The following SPAG16 variants were observed in gnomAD, a reference collection of about 807,000 sequenced individuals.
SPAG16 encodes sperm associated antigen 16.
SPAG16 carries 86 observed loss-of-function variants against 80.4 expected under a neutral mutation model. The ratio of observed to expected loss-of-function variants is 1.07; its 90% CI spans 0.90 to 1.28. SPAG16 has a LOEUF of 1.28. Ranked by LOEUF, SPAG16 falls within the 50% of genes most tolerant of loss-of-function variation. The probability of loss-of-function intolerance (pLI) is 0.00; values close to 1 mark genes in which losing one functional copy is unlikely to be tolerated. For missense variants in SPAG16, 870 were observed against 765.3 expected (o/e 1.14, Z -1.61); for synonymous variants, 294 against 265.9 (o/e 1.11, Z -1.03).
At chr2:214,121,715 G>T (rs527756918) in intron 14 of SPAG16, among the ~76,000 whole-genome samples, 15 of 151,870 alleles carry the variant, frequency 9.9e-5, no homozygotes, top group African/African-American at 3.4e-4. Flanking sequence ...ACATGACACC[G>T]TAAGGTGAAA....
chr2:213,766,316 T>G (rs1165843423), intron 10 of SPAG16, among the ~76,000 whole-genome samples: 2 of 152,200 alleles, frequency 1.3e-5, no homozygotes, highest in African/African-American at 4.8e-5. Flanking sequence ...AGTTAGATAG[T>G]GGTCATGGTT....
At chr2:213,638,295 G>A (rs112301824) in intron 10 of SPAG16, among the ~76,000 whole-genome samples, 3,106 of 152,020 alleles carry the variant, frequency 0.02, 44 homozygotes, top group Middle Eastern at 0.044. Flanking sequence ...TTTGGGTTTG[G>A]TTTGTTCTTG....
intron 10 of SPAG16, among the ~76,000 whole-genome samples, chr2:213,615,631 C>A (rs2061569007): frequency 6.6e-6 from 1 of 151,968 alleles, no homozygotes; most frequent in South Asian, 2.1e-4. Context: ...ACCCAAAAAA[C>A]TTTATTTTGC....
At chr2:213,589,344 C>G (rs1015711699) in intron 10 of SPAG16, among the ~76,000 whole-genome samples, 1 of 152,178 alleles carries the variant, frequency 6.6e-6, no homozygotes, top group African/African-American at 2.4e-5. Context: ...TAACAATTAA[C>G]TTTGCTAAAT....
intron 12 of SPAG16, among the ~76,000 whole-genome samples, chr2:213,942,285 TCA>T (rs2079235747): frequency 6.6e-6 from 1 of 152,172 alleles, no homozygotes; most frequent in Non-Finnish European, 1.5e-5. Context: ...TAACCTCAAC[TCA>T]CAAGTTGAAT....
intron 10 of SPAG16, among the ~76,000 whole-genome samples, chr2:213,658,093 TGAG>T (rs1346064006): frequency 1.3e-5 from 2 of 151,680 alleles, no homozygotes; most frequent in Non-Finnish European, 2.9e-5. Context: ...AATTCTGCTA[TGAG>T]GAGGTGTTTC....
intron 15 of SPAG16, among the ~76,000 whole-genome samples, chr2:214,318,059 G>C (rs1256796077): frequency 2.0e-5 from 3 of 152,158 alleles, no homozygotes; most frequent in African/African-American, 7.2e-5. Flanking sequence ...CAGGCATATG[G>C]TTCTTTTTAA....
At chr2:213,865,417 A>G (rs2075645119) in intron 11 of SPAG16, among the ~76,000 whole-genome samples, 1 of 151,904 alleles carries the variant, frequency 6.6e-6, no homozygotes, top group Non-Finnish European at 1.5e-5. Flanking sequence ...TAGTTGGTAA[A>G]CAGTTAACAA....
At chr2:213,998,454 C>T (rs1006797282) in intron 12 of SPAG16, among the ~76,000 whole-genome samples, 11 of 152,194 alleles carry the variant, frequency 7.2e-5, no homozygotes, top group African/African-American at 2.4e-4. Context: ...AAGTGCCTTT[C>T]ACCTCCTGCC....
chr2:213,443,275 G>GT (rs1194452163), intron 9 of SPAG16, among the ~76,000 whole-genome samples: 1 of 152,074 alleles, frequency 6.6e-6, no homozygotes, highest in Admixed American at 6.6e-5. Flanking sequence ...CATCCTATAT[G>GT]TTTGAGCCCT....
At chr2:213,802,572 A>G (rs13034808) in intron 10 of SPAG16, among the ~76,000 whole-genome samples, 37,930 of 152,042 alleles carry the variant, frequency 0.25, 5,285 homozygotes, top group Middle Eastern at 0.39. Flanking sequence ...AAAAGTTAAA[A>G]AAAGCACCTA....
At chr2:213,354,622 T>G (rs1358321952) in intron 7 of SPAG16, among the ~76,000 whole-genome samples, 2 of 152,246 alleles carry the variant, frequency 1.3e-5, no homozygotes, top group Non-Finnish European at 2.9e-5. Context: ...TTTATTTGCA[T>G]TTCTCTGATG....
chr2:213,691,136 A>G (rs182698375), intron 10 of SPAG16, among the ~76,000 whole-genome samples: 1 of 152,006 alleles, frequency 6.6e-6, no homozygotes, highest in East Asian at 1.9e-4. Context: ...AAACCATAGC[A>G]CTCTTCAATA....
In SPAG16 at chr2:213,737,246, C is replaced by T. The variant is rs2067322683; in HGVS notation, c.1071-125239C>T. Among the ~76,000 whole-genome samples the T allele has an allele frequency of 2.6e-5, 4 of 152,162 alleles. No individual in the cohort carries two copies. In the South Asian group the frequency reaches 8.3e-4, roughly 31 times the overall value. On this transcript the variant is annotated intron_variant, in intron 10 of 15. Coordinates refer to ENST00000331683, the MANE Select transcript of SPAG16 (RefSeq NM_024532.5). ...GAATATCAGCAAAAAGGGGAATCTA[C>T]ACCTTCACACTATTCTATTCACGTT... is the stretch of plus-strand genomic sequence containing the variant.
intron 15 of SPAG16, among the ~76,000 whole-genome samples, chr2:214,288,511 T>C (rs916120812): frequency 6.6e-6 from 1 of 152,088 alleles, no homozygotes; most frequent in African/African-American, 2.4e-5. Context: ...CATTCTGTCT[T>C]CTATAGTGGT....
chr2:213,333,323 CTA>C (rs1279528083), intron 5 of SPAG16, among the ~76,000 whole-genome samples: 2 of 152,010 alleles, frequency 1.3e-5, no homozygotes, highest in Non-Finnish European at 2.9e-5. Flanking sequence ...ACAATGAAAA[CTA>C]TAAAACACTG....
intron 15 of SPAG16, among the ~76,000 whole-genome samples, chr2:214,215,967 A>C (rs1486576685): frequency 1.3e-5 from 2 of 152,208 alleles, no homozygotes; most frequent in Non-Finnish European, 2.9e-5. Context: ...TTAGCTTTGA[A>C]AAGGCCTGAT....
intron 10 of SPAG16, among the ~76,000 whole-genome samples, chr2:213,674,719 A>G (rs2063972282): frequency 6.7e-6 from 1 of 150,238 alleles, no homozygotes; most frequent in Non-Finnish European, 1.5e-5. Flanking sequence ...TGAACTCATC[A>G]TTTTTTATGG....
intron 10 of SPAG16, among the ~76,000 whole-genome samples, chr2:213,773,956 T>C (rs2069413217): frequency 6.6e-6 from 1 of 152,232 alleles, no homozygotes; most frequent in African/African-American, 2.4e-5. Context: ...TCATATATTA[T>C]ATTTCTAACA....
Sources: gnomAD v4.1 joint callset for allele counts (sites outside exome capture counted in the v4.1 genomes callset) on GRCh38, gnomAD v4.1.1 for gene constraint, MANE v1.5 for transcripts, NCBI Gene and HGNC (gene_info 2026-07-23, HGNC 2026-07-21) for gene names.